Variants in ARHGAP15 observed in about 807,000 individuals in gnomAD.
ARHGAP15 encodes the protein rho GTPase-activating protein 15.
A neutral mutation model predicts 63.7 loss-of-function variants in ARHGAP15; 51 were observed. The ratio of observed to expected loss-of-function variants is 0.80; its 90% CI spans 0.64 to 1.01. ARHGAP15 has a LOEUF of 1.01. Among genes scored for constraint, ARHGAP15 ranks in the 50% least tolerant of loss-of-function variants. The pLI is 0.00. For missense variants in ARHGAP15, 560 were observed against 564.6 expected (o/e 0.99, Z 0.08); for synonymous variants, 191 against 193.8 (o/e 0.99, Z 0.12).
chr2:143,216,371 A>ATTCTTCT lies in ARHGAP15; in HGVS notation c.235-11_235-5dup. On this transcript the variant is annotated splice_polypyrimidine_tract_variant and intron_variant, in intron 3 of 13. Coordinates refer to ENST00000295095, the MANE Select transcript of ARHGAP15 (RefSeq NM_018460.4). Reference sequence around the variant, plus strand: ...AGTTTGTCACGGTTTTAACATATGCATTCTTCTTGCAGATGGTTGAAAAAG... The same window carrying ATTCTTCT: ...AGTTTGTCACGGTTTTAACATATGCATTCTTCTTTCTTCTTGCAGATGGTTGAAAAAG... 7 of 1,606,492 alleles carry ATTCTTCT rather than the reference A, an allele frequency of 4.4e-6. No individual in the cohort carries two copies. The highest frequency in any genetic ancestry group is 6.0e-6 in the Non-Finnish European group (7 of 1,175,102).
chr2:143,683,540 G>A (rs58630345), intron 12 of ARHGAP15, among the ~76,000 whole-genome samples: 1 of 152,242 alleles, frequency 6.6e-6, no homozygotes, highest in South Asian at 2.1e-4. Context: ...CATTCCTGAA[G>A]AAGAACATTA....
intron 11 of ARHGAP15, among the ~76,000 whole-genome samples, chr2:143,576,485 T>G (rs567491210): frequency 5.9e-5 from 9 of 152,250 alleles, no homozygotes; most frequent in African/African-American, 2.2e-4. Context: ...TGCCTGAATA[T>G]GCACACCATG....
chr2:143,514,187 G>T (rs1693708454), intron 9 of ARHGAP15, among the ~76,000 whole-genome samples: 1 of 152,118 alleles, frequency 6.6e-6, no homozygotes, highest in Non-Finnish European at 1.5e-5. Flanking sequence ...TACATTTTCA[G>T]GCTGGCACAC....
At chr2:143,649,638 T>C (rs1681064328) in intron 12 of ARHGAP15, among the ~76,000 whole-genome samples, 1 of 151,994 alleles carries the variant, frequency 6.6e-6, no homozygotes, top group Non-Finnish European at 1.5e-5. Flanking sequence ...AGCAGACATC[T>C]GGAGAGAAGA....
At chr2:143,372,527 G>T (rs543941935) in intron 6 of ARHGAP15, among the ~76,000 whole-genome samples, 2 of 151,970 alleles carry the variant, frequency 1.3e-5, no homozygotes, top group East Asian at 1.9e-4. Flanking sequence ...ATTAATGAAT[G>T]GGTATTCATA....
chr2:143,509,712 C>T (rs1198760195), intron 9 of ARHGAP15, among the ~76,000 whole-genome samples: 2 of 151,972 alleles, frequency 1.3e-5, no homozygotes, highest in African/African-American at 4.8e-5. Flanking sequence ...GGGAACAGAA[C>T]TGGAGAAAAT....
intron 2 of ARHGAP15, among the ~76,000 whole-genome samples, chr2:143,161,546 C>T (rs1373493137): frequency 2.0e-5 from 3 of 151,806 alleles, no homozygotes; most frequent in African/African-American, 7.3e-5. Flanking sequence ...CTGAGTACTG[C>T]GTGCCTCACA....
At chr2:143,642,559 C>T (rs993721561) in intron 12 of ARHGAP15, among the ~76,000 whole-genome samples, 20 of 152,166 alleles carry the variant, frequency 1.3e-4, no homozygotes, top group African/African-American at 4.6e-4. Context: ...TCTTCCTACT[C>T]GTAGTATGTT....
chr2:143,559,235 A>G (rs960249493), intron 11 of ARHGAP15, among the ~76,000 whole-genome samples: 3 of 152,200 alleles, frequency 2.0e-5, no homozygotes, highest in Admixed American at 2.0e-4. Context: ...GCCTTTAAAA[A>G]AACTATGCTC....
chr2:143,624,645 G>T (rs929883950), intron 12 of ARHGAP15, among the ~76,000 whole-genome samples: 1 of 152,092 alleles, frequency 6.6e-6, no homozygotes, highest in African/African-American at 2.4e-5. Flanking sequence ...TCTCGAAAAG[G>T]ATCCTAAGTG....
chr2:143,642,626 GAAGT>G (rs751324235), intron 12 of ARHGAP15, among the ~76,000 whole-genome samples: 23 of 152,100 alleles, frequency 1.5e-4, no homozygotes, highest in African/African-American at 7.2e-5. Context: ...GAGTACTGAA[GAAGT>G]AAGAGGTACA....
At position 143,561,167 on chromosome 2, in the gene ARHGAP15, C is replaced by G. The variant is rs1048828157; in HGVS notation, c.1003+4682C>G. ...GGAAATTCCCCTAGGCTAAACTCCCCCTCCTTCCCACATTGATACTTGGGT... is the reference window on the plus strand; with the variant it reads ...GGAAATTCCCCTAGGCTAAACTCCCGCTCCTTCCCACATTGATACTTGGGT... On this transcript the variant is annotated intron_variant, in intron 11 of 13. Coordinates refer to ENST00000295095, the MANE Select transcript of ARHGAP15 (RefSeq NM_018460.4). Among the ~76,000 whole-genome samples, 3 of 152,186 alleles carry G rather than the reference C, an allele frequency of 2.0e-5. No homozygotes were observed. The East Asian group carries it at 5.8e-4, about 29-fold the overall frequency.
chr2:143,704,443 G>T (rs1008210102), intron 13 of ARHGAP15, among the ~76,000 whole-genome samples: 1 of 152,148 alleles, frequency 6.6e-6, no homozygotes, highest in Non-Finnish European at 1.5e-5. Context: ...GATACCATTG[G>T]GAAAGGAAAG....
At chr2:143,732,988 T>C (rs1173397520) in intron 13 of ARHGAP15, among the ~76,000 whole-genome samples, 1 of 150,614 alleles carries the variant, frequency 6.6e-6, no homozygotes. Flanking sequence ...TTATGTTTTC[T>C]AATAGAGAGG....
Position 143,487,453 on chromosome 2 carries a change from A to C in ARHGAP15, c.784A>C (p.Arg262=). 2 of 1,613,756 alleles carry C rather than the reference A, an allele frequency of 1.2e-6. No homozygotes were observed. Among genetic ancestry groups the C allele is most frequent in the South Asian group, 2.2e-5 (2 of 90,976 alleles). ...KSRLKKFITR[R]PSLKTLQEKG... is the part of the protein sequence containing the mutation. ...CAGATTAAAGAAGTTTATTACCCGA[A>C]GACCTTCCCTGAAAACTCTGCAAGA... Residue 262 remains arginine (R), a synonymous_variant, in exon 9 of 14, where the codon AGA becomes CGA. Coordinates refer to ENST00000295095, the MANE Select transcript of ARHGAP15 (RefSeq NM_018460.4).
intron 8 of ARHGAP15, among the ~76,000 whole-genome samples, chr2:143,446,171 A>G (rs1251436829): frequency 2.0e-5 from 3 of 149,206 alleles, no homozygotes; most frequent in African/African-American, 7.3e-5. Context: ...ATAAAATATT[A>G]TAAATGTAAA....
rs184618101 is a variant in ARHGAP15 at position 143,691,802 on chromosome 2, T to G, written c.1139-11617T>G. ...GTCATTTTCTTTGTGATAACCATTT[T>G]TAAGAAAAGGACAACTCCCATTGCA... is the stretch of plus-strand genomic sequence containing the variant. On this transcript the variant is annotated intron_variant, in intron 12 of 13. Coordinates refer to ENST00000295095, the MANE Select transcript of ARHGAP15 (RefSeq NM_018460.4). 1.2e-3 allele frequency among the ~76,000 whole-genome samples: 185 copies of G among 152,334 alleles called. 1 individual carries two copies. Among genetic ancestry groups the G allele is most frequent in the African/African-American group, 4.4e-3 (181 of 41,578 alleles).
intron 6 of ARHGAP15, among the ~76,000 whole-genome samples, chr2:143,390,580 G>T (rs1687491116): frequency 6.6e-6 from 1 of 152,090 alleles, no homozygotes; most frequent in Non-Finnish European, 1.5e-5. Context: ...CATGGAGCAG[G>T]AGATGCTCTG....
chr2:143,474,445 CTGCATTTAGAT>C (rs1354872764), intron 8 of ARHGAP15, among the ~76,000 whole-genome samples: 1 of 152,160 alleles, frequency 6.6e-6, no homozygotes, highest in African/African-American at 2.4e-5. Flanking sequence ...ATGGCAATTA[CTGCATTTAGAT>C]TTAAATCTAA....
Sources: allele counts gnomAD v4.1 joint callset (sites outside exome capture counted in the v4.1 genomes callset), GRCh38; gene constraint gnomAD v4.1.1; transcripts MANE v1.5; gene names NCBI Gene and HGNC (gene_info 2026-07-23, HGNC 2026-07-21).